The following ZDHHC15 variants were observed in gnomAD, a reference collection of about 807,000 sequenced individuals.
The protein encoded by ZDHHC15 is zDHHC palmitoyltransferase 15.
ZDHHC15 carries 19 observed loss-of-function variants against 31.7 expected under a neutral mutation model. The ratio of observed to expected loss-of-function variants is 0.60; its 90% CI spans 0.42 to 0.88. The LOEUF is 0.88. ZDHHC15 is among the 40% of genes least tolerant of loss of function. The pLI is 0.00. For missense variants in ZDHHC15, 209 were observed against 251.2 expected (o/e 0.83, Z 1.14); for synonymous variants, 103 against 90.0 (o/e 1.14, Z -0.82).
chrX:75,519,954 A>G (rs1013600660), intron 1 of ZDHHC15, among the ~76,000 whole-genome samples: 2 of 111,934 alleles, frequency 1.8e-5, no homozygotes, highest in Non-Finnish European at 3.8e-5. Context: ...GCCAGGCAAA[A>G]TATATCTGAA....
intron 4 of ZDHHC15, among the ~76,000 whole-genome samples, chrX:75,447,281 G>A (rs1057473761): frequency 4.5e-5 from 5 of 112,132 alleles, no homozygotes; most frequent in African/African-American, 6.5e-5. Context: ...GTCCTTACTG[G>A]AATAGACACT....
intron 7 of ZDHHC15, among the ~76,000 whole-genome samples, chrX:75,425,092 C>T (rs1406034571): frequency 9.0e-6 from 1 of 110,532 alleles, no homozygotes; most frequent in Non-Finnish European, 1.9e-5. Flanking sequence ...GGTATGCAAC[C>T]GCTTACAGCT....
At chrX:75,381,707 A>G (rs187367792) in intron 10 of ZDHHC15, among the ~76,000 whole-genome samples, 215 of 111,484 alleles carry the variant, frequency 1.9e-3, no homozygotes, top group African/African-American at 6.4e-3. Flanking sequence ...CCACAACCAC[A>G]ATGTCCACCC....
intron 10 of ZDHHC15, among the ~76,000 whole-genome samples, chrX:75,398,044 T>C (rs1312426296): frequency 8.9e-6 from 1 of 112,025 alleles, no homozygotes; most frequent in Non-Finnish European, 1.9e-5. Flanking sequence ...GGTTAGACTC[T>C]TGTACATAGC....
At chrX:75,518,131 A>G (rs1429761106) in intron 1 of ZDHHC15, among the ~76,000 whole-genome samples, 1 of 111,122 alleles carries the variant, frequency 9.0e-6, no homozygotes. Context: ...CAAAAGAAAA[A>G]ATAGATAAAT....
Position 75,464,622 on chromosome X carries a change from G to T in ZDHHC15, c.259-13700C>A, listed in dbSNP as rs182018007. ...CAAAAAGCTATTCACAACAATCAAG[G>T]TGGCTTCATCCCCAGATACAAGGTT... On this transcript the variant is annotated intron_variant, in intron 3 of 11. Coordinates refer to ENST00000373367, the MANE Select transcript of ZDHHC15 (RefSeq NM_144969.3). Among the ~76,000 whole-genome samples, 5 of 111,063 alleles carry T rather than the reference G, an allele frequency of 4.5e-5. No homozygotes were observed. In the East Asian group the frequency reaches 1.4e-3, roughly 32 times the overall value.
intron 7 of ZDHHC15, 141 bp from the exon 8 acceptor site, chrX:75,424,925 T>A (rs1393695927): frequency 2.9e-6 from 2 of 681,993 alleles, no homozygotes; most frequent in Non-Finnish European, 4.1e-6. Flanking sequence ...ATTTTTATAA[T>A]ATGGTTCTTT....
At position 75,371,746 on chromosome X, in the gene ZDHHC15, A is replaced by C. The variant is rs1043074169; in HGVS notation, c.*1232T>G. On this transcript the variant is annotated 3_prime_UTR_variant, in exon 12 of 12. Coordinates refer to ENST00000373367, the MANE Select transcript of ZDHHC15 (RefSeq NM_144969.3). ...GCTGGATGAAAAAATGAAAGATATCAATACTCTTAAGATATTATTATTGTA... is the reference window on the plus strand; with the variant it reads ...GCTGGATGAAAAAATGAAAGATATCCATACTCTTAAGATATTATTATTGTA... 1 of 111,819 alleles carries C rather than the reference A, an allele frequency of 8.9e-6. No individual in the cohort carries two copies. Among genetic ancestry groups the C allele is most frequent in the Non-Finnish European group, 1.9e-5 (1 of 53,187 alleles). The allele number at this position is 111,819 out of a possible 1,213,427, so 9.2% of individuals were successfully genotyped here. A position where few individuals can be genotyped will look rare whatever the true frequency, so the allele number is the denominator to read the frequency against.
At chrX:75,406,459 A>C (rs915243592) in intron 10 of ZDHHC15, among the ~76,000 whole-genome samples, 2 of 111,452 alleles carry the variant, frequency 1.8e-5, no homozygotes, top group Non-Finnish European at 3.8e-5. Context: ...AGATTAACCA[A>C]GGAAAAAAGA....
chrX:75,402,854 G>A (rs758198957), intron 10 of ZDHHC15, among the ~76,000 whole-genome samples: 72 of 110,109 alleles, frequency 6.5e-4, no homozygotes, highest in Non-Finnish European at 1.2e-3. Flanking sequence ...AAATGAGGAG[G>A]AAGGACTCCT....
intron 4 of ZDHHC15, among the ~76,000 whole-genome samples, chrX:75,435,945 G>C (rs2083845628): frequency 9.0e-6 from 1 of 111,697 alleles, no homozygotes; most frequent in African/African-American, 3.3e-5. Flanking sequence ...GTGTCTGATA[G>C]AATTCAGCTG....
intron 10 of ZDHHC15, among the ~76,000 whole-genome samples, chrX:75,414,154 A>T (rs1329513695): frequency 8.9e-6 from 1 of 111,932 alleles, no homozygotes; most frequent in Non-Finnish European, 1.9e-5. Context: ...CTTTAAAAAG[A>T]TGCCTGTTAA....
At chrX:75,513,372 C>A (rs761649338) in intron 1 of ZDHHC15, among the ~76,000 whole-genome samples, 1 of 111,979 alleles carries the variant, frequency 8.9e-6, no homozygotes, top group South Asian at 3.7e-4. Flanking sequence ...TCAAAAGCAA[C>A]TAATGAGCTG....
intron 4 of ZDHHC15, among the ~76,000 whole-genome samples, chrX:75,448,989 CT>C (rs959734078): frequency 1.0e-4 from 11 of 110,460 alleles, no homozygotes; most frequent in Non-Finnish European, 1.7e-4. Flanking sequence ...AGAAAATTTG[CT>C]GTTGTTGCCT....
At chrX:75,492,573 C>G (rs971211815) in intron 2 of ZDHHC15, among the ~76,000 whole-genome samples, 1 of 111,756 alleles carries the variant, frequency 8.9e-6, no homozygotes, top group Non-Finnish European at 1.9e-5. Flanking sequence ...GAAATTATAA[C>G]AAACTGTCCC....
rs1472089079 is a variant in ZDHHC15 at position 75,371,677 on chromosome X, T to C, written c.*1301A>G. ...GATGCTTCTAAATTCCACTGATCTC[T>C]AAAAGAGTTGGAGCTTTTATTGTCA... On this transcript the variant is annotated 3_prime_UTR_variant, in exon 12 of 12. Coordinates refer to ENST00000373367, the MANE Select transcript of ZDHHC15 (RefSeq NM_144969.3). 9.0e-6 allele frequency: 1 copy of C among 111,730 alleles called. No homozygotes were observed. Among genetic ancestry groups the C allele is most frequent in the Non-Finnish European group, 1.9e-5 (1 of 53,193 alleles). The allele number at this position is 111,730 out of a possible 1,213,427, so 9.2% of individuals were successfully genotyped here.
rs1370057449 is a variant in ZDHHC15, at chrX:75,462,371, C to A, written c.259-11449G>T. On this transcript the variant is annotated intron_variant, in intron 3 of 11. Transcript: ENST00000373367. ...GACAGTATTAGTCAGATCATCAACA[C>A]AGAAAATTAACAAGGATATGCAGAA... 2.7e-5 allele frequency among the ~76,000 whole-genome samples: 3 copies of A among 112,023 alleles called. No individual in the cohort carries two copies. In the Admixed American group the frequency reaches 2.8e-4, roughly 11 times the overall value.
intron 9 of ZDHHC15, among the ~76,000 whole-genome samples, chrX:75,417,710 T>G (rs751641285): frequency 9.0e-6 from 1 of 111,414 alleles, no homozygotes; most frequent in Non-Finnish European, 1.9e-5. Flanking sequence ...AGACTGCAGA[T>G]TTTCAGGGCA....
chrX:75,386,396 A>T (rs1163054930), intron 10 of ZDHHC15, among the ~76,000 whole-genome samples: 1 of 112,224 alleles, frequency 8.9e-6, no homozygotes, highest in African/African-American at 3.2e-5. Context: ...TTCTATAAAA[A>T]TTATCAAAAT....
Sources: allele counts gnomAD v4.1 joint callset (sites outside exome capture counted in the v4.1 genomes callset), GRCh38; gene constraint gnomAD v4.1.1; transcripts MANE v1.5; gene names NCBI Gene and HGNC (gene_info 2026-07-23, HGNC 2026-07-21).